RTN4RL1: variants seen among roughly 807,000 people sequenced by gnomAD.
The protein encoded by RTN4RL1 is reticulon 4 receptor like 1.
In RTN4RL1, 7 loss-of-function variants were observed where a neutral mutation model predicts 25.6. That is an observed-to-expected ratio of 0.27 (90% CI 0.16 to 0.51). The LOEUF (loss-of-function observed/expected upper bound fraction) is 0.51. RTN4RL1 is among the 20% of genes least tolerant of loss of function. The pLI is 0.97. For synonymous variants in RTN4RL1, 297 were observed against 288.2 expected (o/e 1.03, Z -0.31); for missense variants, 500 against 615.6 (o/e 0.81, Z 1.99).
intron 1 of RTN4RL1, among the ~76,000 whole-genome samples, chr17:1,988,563 G>A (rs945366193): frequency 6.6e-6 from 1 of 151,368 alleles, no homozygotes; most frequent in Non-Finnish European, 1.5e-5. Flanking sequence ...CTCAATGATG[G>A]AACATCCCTC....
At chr17:1,945,865 T>C (rs57946371) in intron 1 of RTN4RL1, among the ~76,000 whole-genome samples, 236 of 152,326 alleles carry the variant, frequency 1.5e-3, no homozygotes, top group African/African-American at 5.5e-3. Context: ...GAAGGAAGAA[T>C]CTTTCTGAGT....
At chr17:2,010,883 G>A (rs4790862) in intron 1 of RTN4RL1, among the ~76,000 whole-genome samples, 53,186 of 152,008 alleles carry the variant, frequency 0.35, 9,647 homozygotes, top group East Asian at 0.55. Flanking sequence ...CACCATGCTC[G>A]GTGCCTTGGA....
intron 1 of RTN4RL1, among the ~76,000 whole-genome samples, chr17:1,979,186 T>C (rs1185048840): frequency 6.6e-6 from 1 of 152,186 alleles, no homozygotes; most frequent in African/African-American, 2.4e-5. Flanking sequence ...GGCAGGAGAA[T>C]TGCTTGAACC....
intron 1 of RTN4RL1, among the ~76,000 whole-genome samples, chr17:1,962,864 A>C (rs1201689381): frequency 3.1e-3 from 1 of 320 alleles, no homozygotes; most frequent in African/African-American, 3.6e-3. Context: ...TCGATCTCAG[A>C]AAAAAAAAAA....
chr17:2,023,964 C>A (rs903037160), intron 1 of RTN4RL1, among the ~76,000 whole-genome samples: 1 of 152,068 alleles, frequency 6.6e-6, no homozygotes, highest in Non-Finnish European at 1.5e-5. Flanking sequence ...CCTGCTCGGG[C>A]CTGGGAGGGG....
intron 1 of RTN4RL1, among the ~76,000 whole-genome samples, chr17:1,956,987 G>A (rs1191352025): frequency 3.9e-5 from 6 of 152,202 alleles, no homozygotes; most frequent in Admixed American, 3.3e-4. Flanking sequence ...TGATCCACCC[G>A]CCTTGGCCTC....
Position 2,025,011 on chromosome 17 carries a change from G to A in RTN4RL1, c.-146C>T, listed in dbSNP as rs2067253883. On this transcript the variant is annotated 5_prime_UTR_variant, in exon 1 of 2. Coordinates refer to ENST00000331238, the MANE Select transcript of RTN4RL1 (RefSeq NM_178568.4). The surrounding 1 kb of genome is among the most constrained non-coding windows in gnomAD (Gnocchi z 4.8). ...GGATCCGCTCGTGCCCGGTGGCCCG[G>A]CCCCGCAGGGGCATGGTGAGCTCCA... is the stretch of plus-strand genomic sequence containing the variant. 2 of 787,042 alleles carry A rather than the reference G, an allele frequency of 2.5e-6. No homozygotes were observed. Among genetic ancestry groups the A allele is most frequent in the Admixed American group, 5.6e-5 (2 of 35,772 alleles). The allele number at this position is 787,042 out of a possible 1,614,324, so 48.8% of individuals were successfully genotyped here.
At chr17:1,978,479 G>A (rs1029568632) in intron 1 of RTN4RL1, among the ~76,000 whole-genome samples, 1 of 152,276 alleles carries the variant, frequency 6.6e-6, no homozygotes, top group Non-Finnish European at 1.5e-5. Flanking sequence ...AGGCGGAAGC[G>A]CCCAGGTGGG....
In RTN4RL1 at chr17:1,937,557, T is replaced by C. The variant is rs1915337144; in HGVS notation, c.265A>G (p.Thr89Ala). The C allele has an allele frequency of 1.2e-6, 2 of 1,613,756 alleles. No homozygotes were observed. The highest frequency in any genetic ancestry group is 8.5e-7 in the Non-Finnish European group (1 of 1,179,818). ...TCGAAGGTGCTGGGGTGGATGTAGGTGATGTTGTTCGAGTAGATCCACAGG... is the reference window on the plus strand; with the variant it reads ...TCGAAGGTGCTGGGGTGGATGTAGGCGATGTTGTTCGAGTAGATCCACAGG... ...VTLWIYSNNI[T>A]YIHPSTFEGF... The change falls in exon 2 of 2, where the codon ACC becomes GCC. Residue 89 changes from threonine (T) to alanine (A), a missense_variant. Around this residue, in one of 2 missense-constraint regions of RTN4RL1, gnomAD observed 232 missense variants for 341.1 expected, o/e 0.68. Transcript: ENST00000331238.
intron 1 of RTN4RL1, among the ~76,000 whole-genome samples, chr17:1,947,730 T>C (rs1198237825): frequency 6.6e-6 from 1 of 152,216 alleles, no homozygotes; most frequent in Non-Finnish European, 1.5e-5. Context: ...CCATCGGGTC[T>C]CCGGTCTCCT....
Position 2,024,964 on chromosome 17 carries a change from C to T in RTN4RL1, c.-99G>A. 7.5e-7 allele frequency: 1 copy of T among 1,337,672 alleles called. No individual in the cohort carries two copies. The allele number at this position is 1,337,672 out of a possible 1,614,324, so 82.9% of individuals were successfully genotyped here. ...GCGCCAGCTGCAGCTAATCCGAGCG[C>T]GTCGAGGCGGGGGCAAGCCGGGGAT... On this transcript the variant is annotated 5_prime_UTR_variant, in exon 1 of 2. Coordinates refer to ENST00000331238, the MANE Select transcript of RTN4RL1 (RefSeq NM_178568.4).
At chr17:1,939,591 T>C (rs1027868487) in intron 1 of RTN4RL1, among the ~76,000 whole-genome samples, 4 of 152,120 alleles carry the variant, frequency 2.6e-5, no homozygotes, top group Admixed American at 2.0e-4. Flanking sequence ...CTCTCGACTG[T>C]CCAGAGCGTT....
chr17:1,996,896 A>G (rs576275896), intron 1 of RTN4RL1, among the ~76,000 whole-genome samples: 75 of 152,338 alleles, frequency 4.9e-4, no homozygotes, highest in Non-Finnish European at 9.9e-4. Context: ...AGAACCCAGG[A>G]GCAGGCTATT....
Position 1,940,743 on chromosome 17 carries a change from C to G in RTN4RL1, c.14-2935G>C, listed in dbSNP as rs535010967. ...TCAGCTCACACTCCTCACCCCTCCT[C>G]GGGCTGCTACCCTCCAGGAAGGTGC... is the stretch of plus-strand genomic sequence containing the variant. On this transcript the variant is annotated intron_variant, in intron 1 of 1. Coordinates refer to ENST00000331238, the MANE Select transcript of RTN4RL1 (RefSeq NM_178568.4). Among the ~76,000 whole-genome samples the G allele has an allele frequency of 1.5e-4, 23 of 152,286 alleles. No individual in the cohort carries two copies. In the South Asian group the frequency reaches 3.5e-3, roughly 23 times the overall value.
In RTN4RL1 at chr17:1,994,442, G is replaced by A. The variant is rs1412752900; in HGVS notation, c.13+30411C>T. On this transcript the variant is annotated intron_variant, in intron 1 of 1. Transcript: ENST00000331238. This position sits in a 1 kb window ranked among gnomAD's most constrained non-coding sequence, Gnocchi z 4.3. Reference sequence around the variant, plus strand: ...CAAAAGCAGGGCGAGTACTGCCCAAGTCCTGAATATCCTCGGCCTCATCCC... The same window carrying A: ...CAAAAGCAGGGCGAGTACTGCCCAAATCCTGAATATCCTCGGCCTCATCCC... 6.6e-6 allele frequency among the ~76,000 whole-genome samples: 1 copy of A among 152,160 alleles called. No individual in the cohort carries two copies. Among genetic ancestry groups the A allele is most frequent in the Non-Finnish European group, 1.5e-5 (1 of 68,034 alleles).
intron 1 of RTN4RL1, among the ~76,000 whole-genome samples, chr17:2,000,841 C>T (rs531734733): frequency 1.1e-4 from 17 of 151,954 alleles, no homozygotes; most frequent in East Asian, 3.9e-4. Flanking sequence ...CTATTACCTA[C>T]GGGTCCAGCA....
chr17:2,005,132 A>G (rs2066984394), intron 1 of RTN4RL1, among the ~76,000 whole-genome samples: 1 of 152,132 alleles, frequency 6.6e-6, no homozygotes, highest in African/African-American at 2.4e-5. Context: ...CAGCCTCTCC[A>G]GTGGCTGGGA....
chr17:2,001,050 T>C (rs896871445), intron 1 of RTN4RL1, among the ~76,000 whole-genome samples: 4 of 100,208 alleles, frequency 4.0e-5, no homozygotes, highest in Non-Finnish European at 6.6e-5. Context: ...ATGTTTTTCA[T>C]TTACTTTTTT....
At chr17:2,012,795 T>C (rs1408941369) in intron 1 of RTN4RL1, among the ~76,000 whole-genome samples, 1 of 124,190 alleles carries the variant, frequency 8.1e-6, no homozygotes, top group East Asian at 3.0e-4. Context: ...CTTCTTCTTC[T>C]TCTTTTTTTT....
Sources: gnomAD v4.1 joint callset for allele counts (sites outside exome capture counted in the v4.1 genomes callset) on GRCh38, gnomAD v4.1.1 for gene constraint, gnomAD v4.1.1 regional missense constraint, Gnocchi (gnomAD v3.1) non-coding constraint, MANE v1.5 for transcripts, NCBI Gene and HGNC (gene_info 2026-07-23, HGNC 2026-07-21) for gene names.